Variants in FRY observed in about 807,000 individuals in gnomAD.
FRY encodes protein furry homolog.
A neutral mutation model predicts 348.4 loss-of-function variants in FRY; 128 were observed. That is an observed-to-expected ratio of 0.37 (90% CI 0.32 to 0.43). The LOEUF is 0.43. Among genes scored for constraint, FRY ranks in the 20% least tolerant of loss-of-function variants. FRY has a pLI of 1.00. For missense variants in FRY, 2,736 were observed against 3,695.2 expected (o/e 0.74, Z 6.73); for synonymous variants, 1,370 against 1,374.7 (o/e 1.00, Z 0.08).
intron 1 of FRY, among the ~76,000 whole-genome samples, chr13:32,072,893 AT>A (rs570420241): frequency 5.6e-4 from 85 of 152,334 alleles, no homozygotes; most frequent in Non-Finnish European, 1.1e-3. Flanking sequence ...AAATCTCATA[AT>A]TTACTCCTTT....
intron 35 of FRY, among the ~76,000 whole-genome samples, chr13:32,216,344 A>G (rs1327511693): frequency 6.6e-6 from 1 of 152,192 alleles, no homozygotes; most frequent in Non-Finnish European, 1.5e-5. Context: ...ACTTTGCTAC[A>G]CTGTGGCTTC....
intron 7 of FRY, among the ~76,000 whole-genome samples, chr13:32,129,709 T>G (rs1414282615): frequency 1.3e-5 from 2 of 152,224 alleles, no homozygotes; most frequent in East Asian, 1.9e-4. Flanking sequence ...GCTATTTATA[T>G]TTTCTGCTCT....
At chr13:32,119,667 A>G (rs552137830) in intron 4 of FRY, among the ~76,000 whole-genome samples, 4 of 152,182 alleles carry the variant, frequency 2.6e-5, no homozygotes, top group Admixed American at 2.6e-4. Context: ...TCCTTATTCT[A>G]TAATATAATG....
intron 55 of FRY, among the ~76,000 whole-genome samples, chr13:32,271,951 C>CT (rs1888224898): frequency 1.3e-5 from 2 of 152,108 alleles, no homozygotes; most frequent in African/African-American, 4.8e-5. Context: ...ATTTGAATTT[C>CT]TTTTTCATCA....
chr13:32,135,216 C>A, intron 10 of FRY, 33 bp downstream of exon 10: 1 of 1,229,606 alleles, frequency 8.1e-7, no homozygotes, highest in Non-Finnish European at 1.2e-6. Context: ...AAAACACAAA[C>A]AAAACTGCAC....
At chr13:32,086,500 A>T (rs1242796259) in intron 2 of FRY, among the ~76,000 whole-genome samples, 4 of 152,146 alleles carry the variant, frequency 2.6e-5, no homozygotes, top group Admixed American at 6.5e-5. Context: ...GTTTAAACTC[A>T]CTTATTAGTG....
rs780130082 is a variant in FRY at position 32,157,318 on chromosome 13, T to C, written c.1697T>C (p.Ile566Thr). Reference protein sequence around the residue: ...YSQVRKAVDNILRHLDKEVGR... With the variant: ...YSQVRKAVDNTLRHLDKEVGR... ...CAAGTACGAAAAGCTGTAGACAACA[T>C]TTTAAGGCACCTTGATAAAGAAGTA... The change falls in exon 16 of 61, where the codon ATT (isoleucine) becomes ACT (threonine). Residue 566 changes from isoleucine (I) to threonine (T), a missense_variant. This residue lies in a region of FRY where 191 missense variants were observed against 370.2 expected (regional missense o/e 0.52). Transcript: ENST00000542859. The C allele has an allele frequency of 6.2e-7, 1 of 1,612,866 alleles. No homozygotes were observed. Among genetic ancestry groups the C allele is most frequent in the South Asian group, 1.1e-5 (1 of 91,058 alleles).
At chr13:32,086,963 C>T (rs1875911329) in intron 2 of FRY, among the ~76,000 whole-genome samples, 1 of 152,070 alleles carries the variant, frequency 6.6e-6, no homozygotes, top group African/African-American at 2.4e-5. Flanking sequence ...AGACATTGCC[C>T]CTGTGCTGAG....
At chr13:32,136,429 G>C (rs1593654571) in intron 10 of FRY, among the ~76,000 whole-genome samples, 1 of 152,250 alleles carries the variant, frequency 6.6e-6, no homozygotes, top group Admixed American at 6.5e-5. Context: ...AGAAAATATA[G>C]ACAACTACCT....
Position 32,272,454 on chromosome 13 carries a change from T to C in FRY, c.8137-2388T>C, listed in dbSNP as rs377146850. ...TGTGTCACATAATGTCACCAAATTA[T>C]ATAATGTGTGATGGAATTCACAAGA... On this transcript the variant is annotated intron_variant, in intron 55 of 60. Transcript: ENST00000542859. Among the ~76,000 whole-genome samples the C allele has an allele frequency of 1.7e-3, 255 of 152,356 alleles. 1 individual carries two copies. Among genetic ancestry groups the C allele is most frequent in the African/African-American group, 5.8e-3 (240 of 41,588 alleles).
intron 1 of FRY, among the ~76,000 whole-genome samples, chr13:32,040,941 A>G (rs531636736): frequency 2.2e-4 from 34 of 152,192 alleles, no homozygotes; most frequent in Non-Finnish European, 4.6e-4. Context: ...ATCTGTCTGA[A>G]ACATCTTTGG....
At chr13:32,289,201 C>T (rs984506555) in intron 58 of FRY, among the ~76,000 whole-genome samples, 1 of 152,114 alleles carries the variant, frequency 6.6e-6, no homozygotes, top group East Asian at 1.9e-4. Context: ...CAAGCCCAGG[C>T]GTCTACAGAA....
chr13:32,168,190 C>T (rs1881858453), intron 17 of FRY, among the ~76,000 whole-genome samples: 1 of 152,188 alleles, frequency 6.6e-6, no homozygotes, highest in South Asian at 2.1e-4. Context: ...GCTAGAGATT[C>T]AGAAGAGCCA....
chr13:32,116,489 T>C (rs1878309714), intron 3 of FRY, among the ~76,000 whole-genome samples: 2 of 152,208 alleles, frequency 1.3e-5, no homozygotes, highest in Admixed American at 6.5e-5. Context: ...TTTCATTATA[T>C]GAAATTTTAT....
chr13:32,253,484 A>G (rs1389860135), intron 50 of FRY, among the ~76,000 whole-genome samples: 1 of 152,260 alleles, frequency 6.6e-6, no homozygotes, highest in Non-Finnish European at 1.5e-5. Flanking sequence ...TATGTTCAGT[A>G]GAGGCTGGAT....
intron 11 of FRY, among the ~76,000 whole-genome samples, chr13:32,140,645 T>C (rs1167315893): frequency 1.3e-5 from 2 of 151,852 alleles, no homozygotes; most frequent in Non-Finnish European, 2.9e-5. Context: ...CTAATAGATA[T>C]TAGGATTGAG....
In FRY at chr13:32,292,881, T is replaced by G. The variant is rs115914448; in HGVS notation, c.8581-1487T>G. On this transcript the variant is annotated intron_variant, in intron 59 of 60. Coordinates refer to ENST00000542859, the MANE Select transcript of FRY (RefSeq NM_023037.3). The stretch of plus-strand genomic sequence containing the variant: ...GAAATTGCCCCAATCACCCCAACCT[T>G]CAGCCACCACCATCCTGATCAGTCA... 8.3e-3 allele frequency among the ~76,000 whole-genome samples: 1,261 copies of G among 152,194 alleles called. 20 individuals are homozygous for G. The highest frequency in any genetic ancestry group is 0.029 in the African/African-American group (1,200 of 41,540).
intron 4 of FRY, among the ~76,000 whole-genome samples, chr13:32,120,876 G>C (rs1878608333): frequency 6.6e-6 from 1 of 152,226 alleles, no homozygotes; most frequent in Admixed American, 6.5e-5. Context: ...TGGCCAAGCT[G>C]GTCTTGAACT....
intron 28 of FRY, among the ~76,000 whole-genome samples, chr13:32,191,470 G>C (rs1883332460): frequency 6.6e-6 from 1 of 152,102 alleles, no homozygotes; most frequent in South Asian, 2.1e-4. Context: ...AAATGAGCAA[G>C]AAACTTAAGC....
Sources: allele counts gnomAD v4.1 joint callset (sites outside exome capture counted in the v4.1 genomes callset), GRCh38; gene constraint gnomAD v4.1.1; regional missense constraint gnomAD v4.1.1; transcripts MANE v1.5; gene names NCBI Gene and HGNC (gene_info 2026-07-23, HGNC 2026-07-21).